SHTN1: variants seen among roughly 807,000 people sequenced by gnomAD.
SHTN1 encodes the protein shootin-1.
Under a neutral mutation model 83.1 loss-of-function variants are expected in SHTN1, and 42 were observed. That is an observed-to-expected ratio of 0.51 (90% CI 0.39 to 0.65). The LOEUF (loss-of-function observed/expected upper bound fraction) is 0.65. Among genes scored for constraint, SHTN1 ranks in the 30% least tolerant of loss-of-function variants. The pLI is 0.00. For synonymous variants in SHTN1, 224 were observed against 247.7 expected (o/e 0.90, Z 0.90); for missense variants, 622 against 737.8 (o/e 0.84, Z 1.82).
At chr10:116,939,538 T>C (rs912752488) in intron 9 of SHTN1, among the ~76,000 whole-genome samples, 9 of 152,166 alleles carry the variant, frequency 5.9e-5, no homozygotes, top group African/African-American at 2.2e-4. Context: ...GGGTACCCAA[T>C]GCAGAAATCA....
At chr10:116,926,028 TTA>T (rs1224736681) in intron 11 of SHTN1, among the ~76,000 whole-genome samples, 1 of 151,676 alleles carries the variant, frequency 6.6e-6, no homozygotes, top group African/African-American at 2.4e-5. Context: ...CTTTAAAAAA[TTA>T]TGTCCTATAC....
At chr10:117,031,344 A>C (rs1852410833) in intron 2 of SHTN1, among the ~76,000 whole-genome samples, 1 of 152,234 alleles carries the variant, frequency 6.6e-6, no homozygotes, top group African/African-American at 2.4e-5. Flanking sequence ...GCCCTACAAG[A>C]AATTCTAAAG....
intron 2 of SHTN1, among the ~76,000 whole-genome samples, chr10:117,029,265 T>A (rs75306625): frequency 0.015 from 2,227 of 152,360 alleles, 46 homozygotes; most frequent in South Asian, 0.065. Context: ...TACCTAATGT[T>A]TATACCTCCA....
intron 3 of SHTN1, among the ~76,000 whole-genome samples, chr10:116,963,104 C>T (rs1328140419): frequency 2.0e-5 from 2 of 98,694 alleles, no homozygotes; most frequent in Non-Finnish European, 3.6e-5. Context: ...CGGAGTCTCG[C>T]TCTGTGGCCC....
At chr10:117,075,975 G>A (rs1053466748) in intron 1 of SHTN1, among the ~76,000 whole-genome samples, 2 of 152,022 alleles carry the variant, frequency 1.3e-5, no homozygotes, top group Non-Finnish European at 2.9e-5. Context: ...TTGAGTCCAG[G>A]AGTTTGAAAC....
intron 4 of SHTN1, among the ~76,000 whole-genome samples, chr10:116,956,222 T>C (rs892228500): frequency 6.6e-6 from 1 of 152,234 alleles, no homozygotes; most frequent in African/African-American, 2.4e-5. Flanking sequence ...CCCAAATCTC[T>C]GGCAGTGAAG....
chr10:117,067,625 A>T (rs57536725), intron 1 of SHTN1, among the ~76,000 whole-genome samples: 3,362 of 152,244 alleles, frequency 0.022, 101 homozygotes, highest in African/African-American at 0.069. Flanking sequence ...AAAAAATTTT[A>T]AAATCAATCA....
intron 9 of SHTN1, among the ~76,000 whole-genome samples, chr10:116,938,718 T>A (rs1183390342): frequency 1.3e-5 from 2 of 152,242 alleles, no homozygotes; most frequent in Non-Finnish European, 2.9e-5. Context: ...GCTGCTCTCT[T>A]CAGAGTCGGC....
rs930215164 is a variant in SHTN1, at chr10:116,903,713, C to T, written c.1481-1756G>A. Among the ~76,000 whole-genome samples the T allele has an allele frequency of 5.3e-5, 8 of 152,136 alleles. No individual in the cohort carries two copies. The South Asian group carries it at 1.2e-3, about 24-fold the overall frequency. ...TATTCTGCCCTTGGGTAAGCGTTGA[C>T]TACAATACTAGTTAGCTTTAAACAA... On this transcript the variant is annotated intron_variant, in intron 15 of 16. Transcript: ENST00000355371.
intron 2 of SHTN1, among the ~76,000 whole-genome samples, chr10:116,978,220 A>T (rs1311176121): frequency 1.3e-5 from 2 of 152,220 alleles, no homozygotes; most frequent in East Asian, 3.8e-4. Flanking sequence ...TAATAGTGAA[A>T]AAGTTAAATA....
At chr10:117,051,064 C>T (rs10886034) in intron 1 of SHTN1, among the ~76,000 whole-genome samples, 98,812 of 151,832 alleles carry the variant, frequency 0.65, 35,963 homozygotes, top group Middle Eastern at 0.84. Context: ...CTCAAAAAAA[C>T]AAATGGGAAC....
intron 2 of SHTN1, among the ~76,000 whole-genome samples, chr10:116,974,831 C>G (rs1024041635): frequency 8.6e-5 from 13 of 151,514 alleles, no homozygotes; most frequent in Admixed American, 5.9e-4. Flanking sequence ...GCTTTCCCCC[C>G]ATATAGGAAA....
At chr10:117,059,990 C>G (rs1413104715) in intron 1 of SHTN1, among the ~76,000 whole-genome samples, 1 of 152,124 alleles carries the variant, frequency 6.6e-6, no homozygotes, top group Non-Finnish European at 1.5e-5. Context: ...GTGGGAGGAT[C>G]TCTTGAGGCC....
chr10:117,007,216 A>C (rs1852033107), upstream of SHTN1, among the ~76,000 whole-genome samples: 1 of 151,998 alleles, frequency 6.6e-6, no homozygotes, highest in Non-Finnish European at 1.5e-5. Context: ...TTTGTCCAGC[A>C]GTTGGGAAAC....
At chr10:117,076,632 G>A (rs1454291393) in intron 1 of SHTN1, among the ~76,000 whole-genome samples, 2 of 152,174 alleles carry the variant, frequency 1.3e-5, no homozygotes, top group East Asian at 3.8e-4. Flanking sequence ...ATGGATGAAA[G>A]TCACCAAGAG....
At chr10:117,064,337 T>C (rs959692210) in intron 1 of SHTN1, among the ~76,000 whole-genome samples, 1 of 152,166 alleles carries the variant, frequency 6.6e-6, no homozygotes, top group Non-Finnish European at 1.5e-5. Flanking sequence ...CTCAGACACA[T>C]TGGCTGTATC....
intron 1 of SHTN1, among the ~76,000 whole-genome samples, chr10:117,002,606 T>C (rs1432048759): frequency 1.3e-5 from 2 of 152,182 alleles, no homozygotes; most frequent in Non-Finnish European, 2.9e-5. Context: ...TACTGTTAAA[T>C]GCTCAAAGAC....
intron 9 of SHTN1, among the ~76,000 whole-genome samples, chr10:116,931,875 A>T (rs954838029): frequency 9.9e-5 from 15 of 152,250 alleles, no homozygotes; most frequent in African/African-American, 3.6e-4. Context: ...TATAAGGAGC[A>T]TATGCTATTT....
intron 2 of SHTN1, among the ~76,000 whole-genome samples, chr10:117,019,005 T>C (rs994929947): frequency 2.0e-5 from 3 of 152,056 alleles, no homozygotes; most frequent in African/African-American, 4.8e-5. Context: ...ATTATACATA[T>C]AGAAAAACTA....
Sources: gnomAD v4.1 joint callset for allele counts (sites outside exome capture counted in the v4.1 genomes callset) on GRCh38, gnomAD v4.1.1 for gene constraint, MANE v1.5 for transcripts, NCBI Gene and HGNC (gene_info 2026-07-23, HGNC 2026-07-21) for gene names.